AGMO: variants seen among roughly 807,000 people sequenced by gnomAD.
AGMO encodes alkylglycerol monooxygenase, also known as glyceryl-ether monooxygenase.
A neutral mutation model predicts 60.2 loss-of-function variants in AGMO; 75 were observed. The observed-to-expected ratio is 1.25, with a 90% CI of 1.03 to 1.51. The LOEUF is 1.51. Ranked by LOEUF, AGMO falls within the 40% of genes most tolerant of loss-of-function variation. The pLI is 0.00. For missense variants in AGMO, 763 were observed against 525.5 expected (o/e 1.45, Z -4.42); for synonymous variants, 261 against 177.1 (o/e 1.47, Z -3.76).
At chr7:15,120,055 A>T in the AGMO span, among the ~76,000 whole-genome samples, 1 of 151,714 alleles carries the variant, frequency 6.6e-6, no homozygotes, top group African/African-American at 2.4e-5. Flanking sequence ...GTGTTTACTC[A>T]TTACTAGATC....
chr7:15,237,686 A>G (rs1782466962), intron 12 of AGMO, among the ~76,000 whole-genome samples: 1 of 152,082 alleles, frequency 6.6e-6, no homozygotes, highest in African/African-American at 2.4e-5. Flanking sequence ...CCTTTAAATG[A>G]TAGCAATACA....
At chr7:15,383,651 ATATAT>A (rs1364043562) in intron 10 of AGMO, among the ~76,000 whole-genome samples, 1 of 152,062 alleles carries the variant, frequency 6.6e-6, no homozygotes, top group African/African-American at 2.4e-5. Context: ...ATTTTTCAGC[ATATAT>A]TATTTATTAA....
intron 3 of AGMO, among the ~76,000 whole-genome samples, chr7:15,486,189 C>T (rs1782916841): frequency 6.6e-6 from 1 of 152,026 alleles, no homozygotes; most frequent in African/African-American, 2.4e-5. Flanking sequence ...TGGGCTATAA[C>T]ATTAGTGTTC....
intron 12 of AGMO, among the ~76,000 whole-genome samples, chr7:15,338,963 T>C (rs954609133): frequency 6.6e-6 from 1 of 152,156 alleles, no homozygotes; most frequent in African/African-American, 2.4e-5. Flanking sequence ...CCAGATACAT[T>C]TTTATACCTA....
At chr7:15,212,096 A>C (rs899440127) in intron 12 of AGMO, among the ~76,000 whole-genome samples, 1 of 152,006 alleles carries the variant, frequency 6.6e-6, no homozygotes, top group Non-Finnish European at 1.5e-5. Context: ...CTAGACAATC[A>C]AAACTCTTGA....
chr7:15,141,341 T>C, the AGMO span, among the ~76,000 whole-genome samples: 1 of 152,138 alleles, frequency 6.6e-6, no homozygotes, highest in South Asian at 2.1e-4. Flanking sequence ...CCCAACACTT[T>C]GGGAGGCCGC....
At chr7:15,236,929 G>A (rs201553440) in intron 12 of AGMO, among the ~76,000 whole-genome samples, 1 of 151,788 alleles carries the variant, frequency 6.6e-6, no homozygotes, top group Non-Finnish European at 1.5e-5. Context: ...AAATAAAAGT[G>A]TTGGTAAAAC....
At chr7:15,118,991 T>A in the AGMO span, among the ~76,000 whole-genome samples, 4 of 149,544 alleles carry the variant, frequency 2.7e-5, no homozygotes, top group African/African-American at 4.9e-5. Context: ...CTATTGGGGT[T>A]TTTTTTTCCT....
chr7:15,523,896 C>G (rs1194011693), intron 3 of AGMO, among the ~76,000 whole-genome samples: 2 of 152,026 alleles, frequency 1.3e-5, no homozygotes, highest in African/African-American at 2.4e-5. Context: ...AAATGGTTAA[C>G]TACATGGTAT....
At chr7:15,516,432 G>T (rs1783808072) in intron 3 of AGMO, among the ~76,000 whole-genome samples, 2 of 152,080 alleles carry the variant, frequency 1.3e-5, no homozygotes, top group South Asian at 2.1e-4. Flanking sequence ...ATTTAATTCA[G>T]TTTATGACCT....
chr7:15,451,062 T>A (rs1258509590), intron 3 of AGMO, among the ~76,000 whole-genome samples: 1 of 93,426 alleles, frequency 1.1e-5, no homozygotes, highest in South Asian at 3.5e-4. Flanking sequence ...TTTTATTATA[T>A]GAAAATTAAA....
intron 3 of AGMO, among the ~76,000 whole-genome samples, chr7:15,474,438 C>T (rs1000863941): frequency 6.6e-6 from 1 of 151,840 alleles, no homozygotes; most frequent in Non-Finnish European, 1.5e-5. Flanking sequence ...CTGACAAAAG[C>T]AATGGGGAAA....
rs1782431631 is a variant in AGMO at position 15,354,482 on chromosome 7, GTATATACACACGTGTATATA to G, written c.1263+11012_1263+11031del. ...CACACGTGTGTGTATACACACGTGT[GTATATACACACGTGTATATA>G]TATATATATATATATATATATATAT... is the stretch of plus-strand genomic sequence containing the variant. On this transcript the variant is annotated intron_variant, in intron 12 of 12. Transcript: ENST00000342526. Among the ~76,000 whole-genome samples, 10 of 14,118 alleles carry G rather than the reference GTATATACACACGTGTATATA, an allele frequency of 7.1e-4. 1 individual carries two copies. The highest frequency in any genetic ancestry group is 6.5e-4 in the Non-Finnish European group (5 of 7,684). The allele number at this position is 14,118 out of a possible 152,430, so 9.3% of individuals were successfully genotyped here. A position where few individuals can be genotyped will look rare whatever the true frequency, so the allele number is the denominator to read the frequency against.
At chr7:15,132,956 A>T in the AGMO span, among the ~76,000 whole-genome samples, 1 of 152,156 alleles carries the variant, frequency 6.6e-6, no homozygotes, top group Non-Finnish European at 1.5e-5. Flanking sequence ...AGAGGGATGC[A>T]AGAGGGGAGC....
chr7:15,231,432 T>C (rs547510794), intron 12 of AGMO, among the ~76,000 whole-genome samples: 2 of 152,322 alleles, frequency 1.3e-5, no homozygotes, highest in East Asian at 3.9e-4. Context: ...ATAGATCAAA[T>C]TGGCATCCCT....
At chr7:15,549,747 A>G (rs1238988884) in intron 2 of AGMO, among the ~76,000 whole-genome samples, 1 of 151,580 alleles carries the variant, frequency 6.6e-6, no homozygotes, top group Non-Finnish European at 1.5e-5. Flanking sequence ...TGTCAACATT[A>G]GACAGATCAA....
intron 4 of AGMO, among the ~76,000 whole-genome samples, chr7:15,424,798 A>T (rs1781015507): frequency 6.6e-6 from 1 of 152,198 alleles, no homozygotes; most frequent in Admixed American, 6.6e-5. Flanking sequence ...TGGGGGCTTA[A>T]TGCATGCTTT....
At chr7:15,178,965 G>T in the AGMO span, among the ~76,000 whole-genome samples, 1 of 152,072 alleles carries the variant, frequency 6.6e-6, no homozygotes, top group African/African-American at 2.4e-5. Context: ...GACAGAATTT[G>T]TCCTTTTATA....
chr7:15,261,694 C>CA (rs964276743), intron 12 of AGMO, among the ~76,000 whole-genome samples: 6 of 151,026 alleles, frequency 4.0e-5, no homozygotes, highest in Admixed American at 2.6e-4. Context: ...AAGGACATAA[C>CA]AAAAAAAAGA....
Sources: allele counts gnomAD v4.1 joint callset (sites outside exome capture counted in the v4.1 genomes callset), GRCh38; gene constraint gnomAD v4.1.1; transcripts MANE v1.5; gene names NCBI Gene and HGNC (gene_info 2026-07-23, HGNC 2026-07-21).